RUNX1: variants seen among roughly 807,000 people sequenced by gnomAD.
RUNX1 encodes runt-related transcription factor 1.
A neutral mutation model predicts 42.8 loss-of-function variants in RUNX1; 19 were observed. That is an observed-to-expected ratio of 0.44 (90% confidence interval 0.31 to 0.65). The LOEUF is 0.65. Among genes scored for constraint, RUNX1 ranks in the 30% least tolerant of loss-of-function variants. The pLI is 0.07. For missense variants in RUNX1, 528 were observed against 672.0 expected (o/e 0.79, Z 2.37); for synonymous variants, 271 against 289.4 (o/e 0.94, Z 0.64).
At chr21:34,870,401 C>T (rs147599163) in intron 5 of RUNX1, among the ~76,000 whole-genome samples, 250 of 152,320 alleles carry the variant, frequency 1.6e-3, no homozygotes, top group African/African-American at 5.7e-3. Context: ...TAGCTCCAAG[C>T]CAGTGGTTCT....
At chr21:34,973,268 T>C (rs1205997656) in intron 2 of RUNX1, among the ~76,000 whole-genome samples, 1 of 152,204 alleles carries the variant, frequency 6.6e-6, no homozygotes, top group Non-Finnish European at 1.5e-5. Flanking sequence ...ATTGTAGTGG[T>C]TGGTGTATTT....
chr21:34,966,353 A>G (rs761748091), intron 2 of RUNX1, among the ~76,000 whole-genome samples: 2 of 152,216 alleles, frequency 1.3e-5, no homozygotes, highest in Middle Eastern at 3.2e-3. Flanking sequence ...CATTCTATGG[A>G]TCAATTTATT....
At chr21:34,939,686 C>A (rs540014594) in intron 2 of RUNX1, among the ~76,000 whole-genome samples, 1 of 152,248 alleles carries the variant, frequency 6.6e-6, no homozygotes, top group South Asian at 2.1e-4. Context: ...ACCTTTCCAT[C>A]CAGGGAGTTG....
At chr21:34,867,244 AAAAATAAAAT>A (rs1208125731) in intron 5 of RUNX1, among the ~76,000 whole-genome samples, 2 of 152,008 alleles carry the variant, frequency 1.3e-5, no homozygotes, top group South Asian at 4.1e-4. Context: ...CAAAAATATA[AAAAATAAAAT>A]AAAATAAAAT....
At chr21:35,008,503 G>A (rs2059102016) in intron 2 of RUNX1, among the ~76,000 whole-genome samples, 1 of 152,242 alleles carries the variant, frequency 6.6e-6, no homozygotes, top group Admixed American at 6.5e-5. Flanking sequence ...TTTGGGCTGG[G>A]AGAATTCCTT....
At chr21:34,872,505 T>C (rs375431465) in intron 5 of RUNX1, among the ~76,000 whole-genome samples, 5 of 152,352 alleles carry the variant, frequency 3.3e-5, no homozygotes, top group African/African-American at 7.2e-5. Flanking sequence ...AAAAAAACTT[T>C]TAATATTCAG....
Position 34,993,697 on chromosome 21 carries a change from A to G in RUNX1, c.58+55145T>C, listed in dbSNP as rs1364657239. ...CACACACAGACACACACACAGGCGC[A>G]CACACACACAGACACACACAGGCAC... On this transcript the variant is annotated intron_variant, in intron 2 of 8. Coordinates refer to ENST00000675419, the MANE Select transcript of RUNX1 (RefSeq NM_001754.5). Among the ~76,000 whole-genome samples, 7 of 142,200 alleles carry G rather than the reference A, an allele frequency of 4.9e-5. No homozygotes were observed. In the East Asian group the frequency reaches 6.0e-4, roughly 12 times the overall value. The allele number at this position is 142,200 out of a possible 152,430, so 93.3% of individuals were successfully genotyped here.
intron 2 of RUNX1, among the ~76,000 whole-genome samples, chr21:34,910,930 C>G (rs769047366): frequency 3.3e-5 from 5 of 152,102 alleles, no homozygotes; most frequent in Non-Finnish European, 7.4e-5. Flanking sequence ...GCCACCACAC[C>G]CCACTAATTT....
chr21:34,939,609 G>T (rs952642940), intron 2 of RUNX1, among the ~76,000 whole-genome samples: 9 of 152,114 alleles, frequency 5.9e-5, no homozygotes, highest in African/African-American at 1.9e-4. Flanking sequence ...GCCCCAGGGA[G>T]GTTTGGAACA....
At chr21:34,821,570 G>A in intron 7 of RUNX1, 2 of 1,543,702 alleles carry the variant, frequency 1.3e-6, no homozygotes, top group South Asian at 2.4e-5. Context: ...CATTCTGAGG[G>A]CTGTCATCTT....
At chr21:34,854,904 T>C (rs1394008564) in intron 6 of RUNX1, among the ~76,000 whole-genome samples, 1 of 152,176 alleles carries the variant, frequency 6.6e-6, no homozygotes, top group Admixed American at 6.5e-5. Flanking sequence ...TCTGCTGGGT[T>C]ACACCTTTCC....
chr21:34,992,721 C>T (rs910938647), intron 2 of RUNX1, among the ~76,000 whole-genome samples: 41 of 151,504 alleles, frequency 2.7e-4, no homozygotes, highest in Admixed American at 5.9e-4. Flanking sequence ...AATGGGATGG[C>T]GATGCCCTTT....
At chr21:34,904,177 A>T (rs2058199365) in intron 2 of RUNX1, among the ~76,000 whole-genome samples, 1 of 152,168 alleles carries the variant, frequency 6.6e-6, no homozygotes. Flanking sequence ...TTGCTTAGAA[A>T]AATACTACCA....
Position 34,912,673 on chromosome 21 carries a change from C to T in RUNX1, c.59-19710G>A, listed in dbSNP as rs185193449. Reference sequence around the variant, plus strand: ...ACCCTCAGAAGACTGTTCCCATTGCCTTCCTAGTCTTTGAGATGCAGGCAT... The same window carrying T: ...ACCCTCAGAAGACTGTTCCCATTGCTTTCCTAGTCTTTGAGATGCAGGCAT... On this transcript the variant is annotated intron_variant, in intron 2 of 8. Transcript: ENST00000675419. 5.1e-4 allele frequency among the ~76,000 whole-genome samples: 77 copies of T among 152,332 alleles called. 1 individual carries two copies. The highest frequency in any genetic ancestry group is 3.4e-3 in the Middle Eastern group (1 of 294).
At chr21:34,820,229 C>T (rs1315914031) in intron 7 of RUNX1, among the ~76,000 whole-genome samples, 8 of 152,122 alleles carry the variant, frequency 5.3e-5, no homozygotes, top group African/African-American at 1.9e-4. Flanking sequence ...GAGGATATCC[C>T]TTCCTTGCTG....
intron 2 of RUNX1, among the ~76,000 whole-genome samples, chr21:34,970,353 G>A (rs2058754828): frequency 1.3e-5 from 2 of 152,214 alleles, no homozygotes; most frequent in East Asian, 3.8e-4. Context: ...AATCAGGTTG[G>A]CAATAGCAGC....
At position 34,996,534 on chromosome 21, in the gene RUNX1, A is replaced by G. The variant is rs143651321; in HGVS notation, c.58+52308T>C. Among the ~76,000 whole-genome samples the G allele has an allele frequency of 9.0e-4, 137 of 152,026 alleles. 2 individuals are homozygous for G. Among genetic ancestry groups the G allele is most frequent in the South Asian group, 7.3e-3 (35 of 4,814 alleles). ...CCCACGAGATGCTGGGGGTGTGGAG[A>G]GGACGAAGACCAGGGCAGAATCTTT... On this transcript the variant is annotated intron_variant, in intron 2 of 8. Coordinates refer to ENST00000675419, the MANE Select transcript of RUNX1 (RefSeq NM_001754.5).
At chr21:34,992,843 G>C (rs2058955852) in intron 2 of RUNX1, among the ~76,000 whole-genome samples, 2 of 152,222 alleles carry the variant, frequency 1.3e-5, no homozygotes, top group African/African-American at 2.4e-5. Flanking sequence ...GCTTTGCAAT[G>C]CAGCTACCTT....
chr21:34,993,767 GCA>G (rs1438809028), intron 2 of RUNX1, among the ~76,000 whole-genome samples: 5 of 26,490 alleles, frequency 1.9e-4, no homozygotes, highest in South Asian at 1.0e-3. Context: ...ACACACAGGC[GCA>G]CACACACAGA....
Sources: gnomAD v4.1 joint callset for allele counts (sites outside exome capture counted in the v4.1 genomes callset) on GRCh38, gnomAD v4.1.1 for gene constraint, MANE v1.5 for transcripts, NCBI Gene and HGNC (gene_info 2026-07-23, HGNC 2026-07-21) for gene names.